FLNB: variants seen among roughly 807,000 people sequenced by gnomAD.
FLNB encodes filamin B.
A neutral mutation model predicts 250.6 loss-of-function variants in FLNB; 111 were observed. The ratio of observed to expected loss-of-function variants is 0.44; its 90% confidence interval spans 0.38 to 0.52. The LOEUF is 0.52. Ranked by LOEUF, FLNB falls within the 20% of genes least tolerant of loss-of-function variation. FLNB has a pLI of 0.00. For missense variants in FLNB, 2,869 were observed against 3,447.8 expected (o/e 0.83, Z 4.20); for synonymous variants, 1,302 against 1,372.1 (o/e 0.95, Z 1.13).
At position 58,164,620 on chromosome 3, in the gene FLNB, C is replaced by G. The variant is rs989383784; in HGVS notation, c.7198+1290C>G. On this transcript the variant is annotated intron_variant, in intron 43 of 45. Transcript: ENST00000295956. This position sits in a 1 kb window ranked among gnomAD's most constrained non-coding sequence, Gnocchi z 4.0. Reference sequence around the variant, plus strand: ...GTGACTGGTGGGCTGGCAGGCTGCCCGGGACTCTGGCCAAAGCAGTGGCCT... The same window carrying G: ...GTGACTGGTGGGCTGGCAGGCTGCCGGGGACTCTGGCCAAAGCAGTGGCCT... The G allele has an allele frequency of 1.1e-4, 16 of 152,380 alleles. No homozygotes were observed. The highest frequency in any genetic ancestry group is 3.1e-4 in the African/African-American group (13 of 41,554). The allele number at this position is 152,380 out of a possible 1,614,324, so 9.4% of individuals were successfully genotyped here. A position where few individuals can be genotyped will look rare whatever the true frequency, so the allele number is the denominator to read the frequency against.
chr3:58,109,764 C>T lies in FLNB; in HGVS notation c.2323+65C>T, dbSNP rs947804397. On this transcript the variant is annotated intron_variant, in intron 15 of 45. Coordinates refer to ENST00000295956, the MANE Select transcript of FLNB (RefSeq NM_001457.4). ...GTGGGGAAGGCAGTTCTTTTCATAA[C>T]GTTTCAATGCCTTTTGAACTAGGAA... The T allele has an allele frequency of 3.9e-5, 62 of 1,606,926 alleles. 1 individual carries two copies. Among genetic ancestry groups the T allele is most frequent in the East Asian group, 3.3e-4 (15 of 44,838 alleles).
Position 58,108,646 on chromosome 3 carries a change from G to A in FLNB, c.2055+75G>A. 4.5e-6 allele frequency: 4 copies of A among 886,524 alleles called. No individual in the cohort carries two copies. The South Asian group carries it at 5.4e-5, about 12-fold the overall frequency. The allele number at this position is 886,524 out of a possible 1,614,324, so 54.9% of individuals were successfully genotyped here. ...TGACCACGTAATGGCAAGTTGCTGA[G>A]TCCATCTGATCTTCAGTTTCCTCAT... On this transcript the variant is annotated intron_variant, in intron 13 of 45. Transcript: ENST00000295956.
intron 24 of FLNB, among the ~76,000 whole-genome samples, chr3:58,129,783 C>T (rs1361242468): frequency 1.3e-5 from 2 of 152,164 alleles, no homozygotes; most frequent in African/African-American, 2.4e-5. Context: ...GACTCCCATG[C>T]GAGGCAGAGG....
chr3:58,132,015 G>T (rs2097308300), intron 25 of FLNB: 1 of 1,533,186 alleles, frequency 6.5e-7, no homozygotes, highest in African/African-American at 1.4e-5. Flanking sequence ...ACTTTAATAA[G>T]ACAGGTTTGC....
intron 1 of FLNB, among the ~76,000 whole-genome samples, chr3:58,072,079 C>CT (rs1391221368): frequency 6.6e-6 from 1 of 152,168 alleles, no homozygotes; most frequent in Non-Finnish European, 1.5e-5. Context: ...AATTAAGTTT[C>CT]TAGCTATTAA....
chr3:58,057,149 T>C (rs1287214193), intron 1 of FLNB, among the ~76,000 whole-genome samples: 1 of 151,998 alleles, frequency 6.6e-6, no homozygotes, highest in Non-Finnish European at 1.5e-5. Flanking sequence ...TTAATTTTTG[T>C]ATTTTCTGTA....
intron 25 of FLNB, chr3:58,132,095 A>G: frequency 4.2e-6 from 4 of 953,040 alleles, no homozygotes; most frequent in Admixed American, 2.0e-5. Flanking sequence ...AATTGCTTAC[A>G]CCTGCCTCAT....
intron 4 of FLNB, among the ~76,000 whole-genome samples, chr3:58,084,375 T>C (rs1041608106): frequency 1.2e-4 from 18 of 152,114 alleles, no homozygotes; most frequent in African/African-American, 4.3e-4. Flanking sequence ...TGTATGTTTG[T>C]AATAACCTTA....
At chr3:58,149,366 G>C (rs774597850) in intron 36 of FLNB, 7 of 254,516 alleles carry the variant, frequency 2.8e-5, no homozygotes, top group Non-Finnish European at 4.6e-5. Context: ...GTGAATTCTA[G>C]ACAAATTCTA....
intron 11 of FLNB, 152 bp from the exon 12 acceptor site, chr3:58,106,528 G>T: frequency 1.4e-6 from 1 of 694,540 alleles, no homozygotes; most frequent in South Asian, 1.7e-5. Flanking sequence ...AAGACTTAAT[G>T]AGCTTGGTTT....
At position 58,110,146 on chromosome 3, in the gene FLNB, T is replaced by G; in HGVS notation, c.2460T>G (p.Thr820=). The G allele has an allele frequency of 6.2e-7, 1 of 1,614,234 alleles. No individual in the cohort carries two copies. The highest frequency in any genetic ancestry group is 8.5e-7 in the Non-Finnish European group (1 of 1,180,042). Residue 820 remains threonine, a synonymous_variant, in exon 16 of 46, where the codon ACT becomes ACG. Coordinates refer to ENST00000295956, the MANE Select transcript of FLNB (RefSeq NM_001457.4). ...TGCCTCCTGCTGCTGGGCGATACAC[T>G]ATCAAAGTTCTCTTTGCATCTCAGG... ...KYVPPAAGRY[T]IKVLFASQEI... is the part of the protein sequence containing the mutation.
intron 11 of FLNB, 78 bp from the exon 12 acceptor site, chr3:58,106,602 C>T (rs184067377): frequency 3.2e-5 from 43 of 1,364,678 alleles, no homozygotes; most frequent in Admixed American, 1.2e-4. Flanking sequence ...AGGGAGGCAG[C>T]GGGAATGAGC....
In FLNB at chr3:58,124,499, G is replaced by A; in HGVS notation, c.3892G>A (p.Glu1298Lys). The change falls in exon 22 of 46, where the codon GAG becomes AAG. Residue 1298 changes from glutamate (E) to lysine (K), a missense_variant. This residue lies in a region of FLNB where 1,348 missense variants were observed against 1,466.7 expected (regional missense o/e 0.92). Coordinates refer to ENST00000295956, the MANE Select transcript of FLNB (RefSeq NM_001457.4). ...GTYQVEYTPFEKGLHVVEVTY... is the reference protein window; with the variant it reads ...GTYQVEYTPFKKGLHVVEVTY... ...CTACCAGGTGGAATACACACCCTTT[G>A]AGAAAGGTGAGCCGCCCTGTCCTCG... The A allele has an allele frequency of 6.2e-7, 1 of 1,614,216 alleles. No individual in the cohort carries two copies. The highest frequency in any genetic ancestry group is 1.1e-5 in the South Asian group (1 of 91,076).
In FLNB at chr3:58,103,858, T is replaced by A. The variant is rs6445946; in HGVS notation, c.1484-101T>A. The A allele has an allele frequency of 0.31, 433,372 of 1,408,130 alleles. 80,829 individuals are homozygous for A. Among genetic ancestry groups the A allele is most frequent in the East Asian group, 0.94 (40,895 of 43,702 alleles). 87.2% of individuals were successfully genotyped at this position (1,408,130 alleles called of 1,614,324 possible). A position where few individuals can be genotyped will look rare whatever the true frequency, so the allele number is the denominator to read the frequency against. ...AGCCCACTTGGTTTTTATGTATGGT[T>A]TATGTTTTGTTCAGTGTGGCTGCCT... On this transcript the variant is annotated intron_variant, in intron 9 of 45. Coordinates refer to ENST00000295956, the MANE Select transcript of FLNB (RefSeq NM_001457.4).
rs563879270 is a variant in FLNB, at chr3:58,029,544, G to A, written c.292+20688G>A. Among the ~76,000 whole-genome samples, 172 of 149,176 alleles carry A rather than the reference G, an allele frequency of 1.2e-3. 1 individual carries two copies. The highest frequency in any genetic ancestry group is 3.3e-3 in the Admixed American group (49 of 14,796). ...TTTGTCTCAAGAGTCTTGCTCTGTC[G>A]CCCAGGCTGGAGTGCAATGGCTCGA... On this transcript the variant is annotated intron_variant, in intron 1 of 45. Coordinates refer to ENST00000295956, the MANE Select transcript of FLNB (RefSeq NM_001457.4).
chr3:58,042,857 T>C (rs1459385423), intron 1 of FLNB, among the ~76,000 whole-genome samples: 1 of 152,184 alleles, frequency 6.6e-6, no homozygotes, highest in Non-Finnish European at 1.5e-5. Flanking sequence ...AAAGCAGTTC[T>C]TGTATTTTTA....
In FLNB at chr3:58,008,464, C is replaced by T. The variant is rs984131418; in HGVS notation, c.-101C>T. 1.3e-5 allele frequency: 19 copies of T among 1,410,076 alleles called. No homozygotes were observed. The highest frequency in any genetic ancestry group is 1.9e-5 in the Non-Finnish European group (19 of 1,023,034). 87.3% of individuals were successfully genotyped at this position (1,410,076 alleles called of 1,614,324 possible). ...GGCTCCGGTAGCAGCAAGTTCGAACCCCGCTCCCGCTCCGCTTCGGTTCTC... is the reference window on the plus strand; with the variant it reads ...GGCTCCGGTAGCAGCAAGTTCGAACTCCGCTCCCGCTCCGCTTCGGTTCTC... On this transcript the variant is annotated 5_prime_UTR_variant, in exon 1 of 46. Transcript: ENST00000295956.
intron 8 of FLNB, among the ~76,000 whole-genome samples, chr3:58,100,600 TGTTTTG>T (rs1559692709): frequency 1.5e-5 from 2 of 136,180 alleles, no homozygotes; most frequent in East Asian, 2.4e-4. Context: ...TTTTTTTTTT[TGTTTTG>T]TTTTGTTTTG....
chr3:58,090,930 T>C (rs1278524986), intron 4 of FLNB, among the ~76,000 whole-genome samples: 1 of 151,906 alleles, frequency 6.6e-6, no homozygotes, highest in African/African-American at 2.4e-5. Context: ...TACAAAAAAT[T>C]AGCTGGGCGT....
Sources: gnomAD v4.1 joint callset for allele counts (sites outside exome capture counted in the v4.1 genomes callset) on GRCh38, gnomAD v4.1.1 for gene constraint, gnomAD v4.1.1 regional missense constraint, Gnocchi (gnomAD v3.1) non-coding constraint, MANE v1.5 for transcripts, NCBI Gene and HGNC (gene_info 2026-07-23, HGNC 2026-07-21) for gene names.